The following KCNU1 variants were observed in gnomAD, a reference collection of about 807,000 sequenced individuals.
KCNU1 encodes the protein potassium calcium-activated channel subfamily U member 1, also known as potassium channel subfamily U member 1.
A neutral mutation model predicts 126.8 loss-of-function variants in KCNU1; 93 were observed. The ratio of observed to expected loss-of-function variants is 0.73; its 90% confidence interval spans 0.62 to 0.87. KCNU1 has a LOEUF of 0.87. KCNU1 is among the 40% of genes least tolerant of loss of function. The pLI is 0.00. For synonymous variants in KCNU1, 523 were observed against 494.2 expected (o/e 1.06, Z -0.77); for missense variants, 1,330 against 1,367.1 (o/e 0.97, Z 0.43).
intron 23 of KCNU1, among the ~76,000 whole-genome samples, chr8:36,922,169 G>C (rs1808373707): frequency 6.6e-6 from 1 of 152,074 alleles, no homozygotes; most frequent in African/African-American, 2.4e-5. Context: ...GCTCCCTTTT[G>C]CTCCCCCAAA....
chr8:36,916,408 A>C (rs1038969585), intron 22 of KCNU1, among the ~76,000 whole-genome samples: 6 of 151,370 alleles, frequency 4.0e-5, no homozygotes, highest in Non-Finnish European at 7.4e-5. Flanking sequence ...GAAAGAAAGG[A>C]AGGAAAGAGG....
At chr8:36,825,799 A>G (rs1804296656) in intron 10 of KCNU1, among the ~76,000 whole-genome samples, 1 of 151,974 alleles carries the variant, frequency 6.6e-6, no homozygotes, top group East Asian at 1.9e-4. Context: ...ATTGAAGGAC[A>G]ATTTCACAGA....
At chr8:36,878,948 T>C (rs1405442325) in intron 19 of KCNU1, among the ~76,000 whole-genome samples, 1 of 147,684 alleles carries the variant, frequency 6.8e-6, no homozygotes, top group East Asian at 1.9e-4. Flanking sequence ...AACAATTTTA[T>C]ATATAGGAAA....
rs189725962 is a variant in KCNU1 at position 36,826,639 on chromosome 8, C to T, written c.1107-6915C>T. On this transcript the variant is annotated intron_variant, in intron 10 of 26. Coordinates refer to ENST00000399881, the MANE Select transcript of KCNU1 (RefSeq NM_001031836.3). ...TAGCTCTTTTTATGTGTTTAATCTA[C>T]TTATAAACCCATCCATTAAGTTTTC... Among the ~76,000 whole-genome samples the T allele has an allele frequency of 7.7e-4, 118 of 152,258 alleles. 2 individuals are homozygous for T. Among genetic ancestry groups the T allele is most frequent in the East Asian group, 1.2e-3 (6 of 5,192 alleles).
intron 8 of KCNU1, among the ~76,000 whole-genome samples, chr8:36,815,004 G>C (rs1268384367): frequency 6.6e-6 from 1 of 151,936 alleles, no homozygotes; most frequent in Non-Finnish European, 1.5e-5. Flanking sequence ...GCCCCAAATA[G>C]AATAAAGTCA....
chr8:36,927,369 A>T (rs1808567538), intron 24 of KCNU1, among the ~76,000 whole-genome samples: 1 of 152,088 alleles, frequency 6.6e-6, no homozygotes, highest in Admixed American at 6.6e-5. Flanking sequence ...TTTGCCTTTA[A>T]TCCTCTCTCA....
At chr8:36,919,033 C>G (rs531039741) in intron 23 of KCNU1, 136 bp downstream of exon 23, 1 of 641,698 alleles carries the variant, frequency 1.6e-6, no homozygotes, top group Non-Finnish European at 2.8e-6. Context: ...AGTGCTTGCC[C>G]GGATGTTACA....
At chr8:36,872,009 T>C (rs770118584) in intron 19 of KCNU1, among the ~76,000 whole-genome samples, 72 of 152,114 alleles carry the variant, frequency 4.7e-4, no homozygotes, top group Non-Finnish European at 2.4e-4. Flanking sequence ...CCTTGAGACA[T>C]GACTTGCATA....
intron 19 of KCNU1, among the ~76,000 whole-genome samples, chr8:36,886,260 T>C (rs1389993638): frequency 6.6e-6 from 1 of 152,174 alleles, no homozygotes; most frequent in East Asian, 1.9e-4. Flanking sequence ...TAGATTAACA[T>C]AAAACCTCAC....
intron 11 of KCNU1, 73 bp from the exon 12 acceptor site, chr8:36,834,713 A>C: frequency 1.1e-6 from 1 of 912,960 alleles, no homozygotes; most frequent in Non-Finnish European, 1.7e-6. Context: ...ATTGTTAGAA[A>C]ACCCGAAAGG....
chr8:36,856,692 T>C (rs1805540019), intron 18 of KCNU1, among the ~76,000 whole-genome samples: 1 of 152,218 alleles, frequency 6.6e-6, no homozygotes, highest in Non-Finnish European at 1.5e-5. Flanking sequence ...TGCCTATTAT[T>C]GTTTTTTATT....
At chr8:36,851,479 T>C (rs976938922) in intron 18 of KCNU1, among the ~76,000 whole-genome samples, 10 of 151,988 alleles carry the variant, frequency 6.6e-5, no homozygotes, top group Admixed American at 1.3e-4. Flanking sequence ...ATTGTTAGTT[T>C]CCTGAGACCT....
At chr8:36,858,188 A>AAC (rs941408454) in intron 18 of KCNU1, among the ~76,000 whole-genome samples, 1 of 151,646 alleles carries the variant, frequency 6.6e-6, no homozygotes, top group African/African-American at 2.4e-5. Flanking sequence ...AAAAAAAAAA[A>AAC]AAAAAAAAAA....
chr8:36,912,743 G>T (rs904869817), intron 22 of KCNU1, among the ~76,000 whole-genome samples: 1 of 151,876 alleles, frequency 6.6e-6, no homozygotes. Context: ...AGGCCGAGGT[G>T]GGGGGATCAC....
chr8:36,845,009 T>A (rs2130592997), intron 16 of KCNU1, among the ~76,000 whole-genome samples: 1 of 152,172 alleles, frequency 6.6e-6, no homozygotes, highest in African/African-American at 2.4e-5. Context: ...ATCAAAAGGT[T>A]CAAGTAAGAT....
At position 36,923,844 on chromosome 8, in the gene KCNU1, G is replaced by A. The variant is rs138499126; in HGVS notation, c.2736+1215G>A. 7.0e-3 allele frequency among the ~76,000 whole-genome samples: 1,067 copies of A among 152,280 alleles called. 18 individuals carry two copies. The highest frequency in any genetic ancestry group is 0.024 in the African/African-American group (1,006 of 41,576). ...TGAAGAAGGAGAGGAGGTTGCTTAC[G>A]AAAGGTTTAAGGAAGCAATAACATT... On this transcript the variant is annotated intron_variant, in intron 24 of 26. Transcript: ENST00000399881.
chr8:36,836,107 A>G (rs1804737660), intron 12 of KCNU1, among the ~76,000 whole-genome samples, 189 bp from the exon 13 acceptor site: 1 of 152,248 alleles, frequency 6.6e-6, no homozygotes, highest in South Asian at 2.1e-4. Flanking sequence ...TGGCAAAGTC[A>G]TGAAAACAAT....
intron 19 of KCNU1, among the ~76,000 whole-genome samples, chr8:36,892,231 C>G (rs1423602352): frequency 1.3e-5 from 2 of 152,074 alleles, no homozygotes; most frequent in African/African-American, 4.8e-5. Flanking sequence ...TCTGCCAACT[C>G]AGATCTGCTG....
chr8:36,928,692 C>A (rs1454241173), intron 24 of KCNU1, among the ~76,000 whole-genome samples: 2 of 152,144 alleles, frequency 1.3e-5, no homozygotes, highest in African/African-American at 2.4e-5. Context: ...ATTACCTATC[C>A]ATTGAAGTCA....
Sources: gnomAD v4.1 joint callset for allele counts (sites outside exome capture counted in the v4.1 genomes callset) on GRCh38, gnomAD v4.1.1 for gene constraint, MANE v1.5 for transcripts, NCBI Gene and HGNC (gene_info 2026-07-23, HGNC 2026-07-21) for gene names.